Variants in MAST3 observed in about 807,000 individuals in gnomAD.
MAST3 encodes the protein microtubule-associated serine/threonine-protein kinase 3.
Under a neutral mutation model 127.0 loss-of-function variants are expected in MAST3, and 43 were observed. The ratio of observed to expected loss-of-function variants is 0.34; its 90% CI spans 0.27 to 0.44. The LOEUF (loss-of-function observed/expected upper bound fraction) is 0.44. MAST3 is among the 20% of genes least tolerant of loss of function. The pLI, the probability that MAST3 is intolerant of heterozygous loss-of-function variation, is 1.00. For missense variants in MAST3, 1,390 were observed against 1,919.1 expected (o/e 0.72, Z 5.15); for synonymous variants, 785 against 809.2 (o/e 0.97, Z 0.51).
intron 1 of MAST3, among the ~76,000 whole-genome samples, chr19:18,099,109 G>T (rs1225528573): frequency 3.3e-5 from 5 of 151,482 alleles, no homozygotes; most frequent in Non-Finnish European, 7.4e-5. Context: ...CTCCGGGCGG[G>T]TTGAGGGGGT....
At chr19:18,119,906 C>T (rs2039760416) in intron 3 of MAST3, among the ~76,000 whole-genome samples, 1 of 152,238 alleles carries the variant, frequency 6.6e-6, no homozygotes, top group Non-Finnish European at 1.5e-5. Flanking sequence ...CTTCATCTCT[C>T]CCTCCCCGCG....
Position 18,110,692 on chromosome 19 carries a change from A to AGCAGCCCCT in MAST3, c.123_131dup (p.Cys44_Pro46dup). 1.0e-6 allele frequency: 1 copy of AGCAGCCCCT among 985,902 alleles called. No individual in the cohort carries two copies. The highest frequency in any genetic ancestry group is 1.2e-6 in the Non-Finnish European group (1 of 830,004). 61.1% of individuals were successfully genotyped at this position (985,902 alleles called of 1,614,324 possible). A position where few individuals can be genotyped will look rare whatever the true frequency, so the allele number is the denominator to read the frequency against. On this transcript the variant is annotated inframe_insertion, in exon 3 of 28. Transcript: ENST00000687212. This position sits in a 1 kb window ranked among gnomAD's most constrained non-coding sequence, Gnocchi z 4.3. ...CCAGAGCCCGTCCCTGCTGGGTCCC[A>AGCAGCCCCT]GCAGCCCCTGCAGCCCCTGTAGCCC...
intron 1 of MAST3, among the ~76,000 whole-genome samples, chr19:18,105,965 A>G (rs2038040239): frequency 1.3e-5 from 2 of 152,348 alleles, no homozygotes; most frequent in Admixed American, 1.3e-4. Context: ...GGAGAGGGAC[A>G]TCTGAGATGG....
intron 15 of MAST3, among the ~76,000 whole-genome samples, chr19:18,134,121 C>T (rs1466593356): frequency 3.3e-5 from 5 of 151,992 alleles, no homozygotes; most frequent in Non-Finnish European, 7.4e-5. Context: ...TCTGTGCCGG[C>T]ACTTTGGGAG....
chr19:18,128,480 A>T (rs1408494859), intron 12 of MAST3, 22 bp downstream of exon 12: 27 of 1,550,024 alleles, frequency 1.7e-5, no homozygotes, highest in South Asian at 1.7e-4. Context: ...AGGCTGGGGG[A>T]CCCCCGCTCA....
chr19:18,109,165 A>G lies in MAST3; in HGVS notation c.72-1487A>G, dbSNP rs532114104. ...CTGGGGTGCCAGTATGCTTGGCGTT[A>G]GAAGAACAGCATGAAGACAAGGGTA... On this transcript the variant is annotated intron_variant, in intron 2 of 27. Transcript: ENST00000687212. 2.0e-4 allele frequency among the ~76,000 whole-genome samples: 30 copies of G among 152,264 alleles called. No individual in the cohort carries two copies. The South Asian group carries it at 6.2e-3, about 32-fold the overall frequency.
At chr19:18,136,101 CAGGACCTGTGTCAA>C (rs1457595052) in intron 18 of MAST3, among the ~76,000 whole-genome samples, 2 of 152,206 alleles carry the variant, frequency 1.3e-5, no homozygotes, top group Non-Finnish European at 2.9e-5. Flanking sequence ...GTAAAGTCAC[CAGGACCTGTGTCAA>C]AGGCCCAGCC....
chr19:18,129,114 G>T (rs924783655), intron 13 of MAST3, 163 bp downstream of exon 13: 2 of 650,240 alleles, frequency 3.1e-6, no homozygotes, highest in Non-Finnish European at 5.4e-6. Context: ...GTGGAGACAC[G>T]CCATAGCGAG....
At chr19:18,138,208 G>GAAAAAAAAAAAAAAAAAAAAAAA (rs72398038) in intron 19 of MAST3, among the ~76,000 whole-genome samples, 1 of 142,878 alleles carries the variant, frequency 7.0e-6, no homozygotes. Context: ...AAAACTGCCT[G>GAAAAAAAAAAAAAAAAAAAAAAA]AAAAAAAAAA....
chr19:18,124,699 G>A lies in MAST3; in HGVS notation c.1003G>A (p.Glu335Lys). 2 of 1,612,526 alleles carry A rather than the reference G, an allele frequency of 1.2e-6. No homozygotes were observed. Among genetic ancestry groups the A allele is most frequent in the Non-Finnish European group, 1.7e-6 (2 of 1,179,390 alleles). ...LLEAAEGHAREGQGIKTDLPQ... is the reference protein window; with the variant it reads ...LLEAAEGHARKGQGIKTDLPQ... The stretch of plus-strand genomic sequence containing the variant: ...GGAGGCGGCTGAGGGCCATGCGCGG[G>A]AGGGCCAAGGCATTAAGACTGACCT... Residue 335 changes from glutamate to lysine, a missense_variant, in exon 11 of 28, where the codon GAG becomes AAG. Glu to Lys is a moderately conservative substitution (Grantham distance 56). This residue lies in a region of MAST3 where 277 missense variants were observed against 384.8 expected (regional missense o/e 0.72). Transcript: ENST00000687212.
intron 19 of MAST3, 23 bp downstream of exon 19, chr19:18,137,384 G>T (rs372186054): frequency 8.8e-5 from 142 of 1,606,190 alleles, no homozygotes; most frequent in East Asian, 3.3e-4. Flanking sequence ...CCCCCTGGAG[G>T]GGGGGCGGGG....
At chr19:18,103,033 AG>A (rs1568543999) in intron 1 of MAST3, among the ~76,000 whole-genome samples, 1 of 152,108 alleles carries the variant, frequency 6.6e-6, no homozygotes, top group East Asian at 1.9e-4. Flanking sequence ...GGGCAGTTTC[AG>A]GGGGTCGGGG....
chr19:18,118,910 G>A (rs996492033), intron 3 of MAST3, among the ~76,000 whole-genome samples: 3 of 152,196 alleles, frequency 2.0e-5, no homozygotes, highest in East Asian at 1.9e-4. Flanking sequence ...ACCAGCTACC[G>A]AAAGACCTTG....
chr19:18,149,789 TAA>T lies in MAST3; in HGVS notation c.*65_*66del, dbSNP rs2147912095. 2 of 1,594,356 alleles carry T rather than the reference TAA, an allele frequency of 1.3e-6. No individual in the cohort carries two copies. The highest frequency in any genetic ancestry group is 1.7e-6 in the Non-Finnish European group (2 of 1,176,188). On this transcript the variant is annotated 3_prime_UTR_variant, in exon 28 of 28. Coordinates refer to ENST00000687212, the MANE Select transcript of MAST3 (RefSeq NM_001393504.1). The surrounding 1 kb of genome is among the most constrained non-coding windows in gnomAD (Gnocchi z 5.9). ...GTTTTCTTGTGCAATGTTTTTTCCG[TAA>T]AGTCATGCCTGGATGGGGACTGAGC...
At chr19:18,147,078 T>TC in intron 26 of MAST3, 34 bp downstream of exon 26, 1 of 1,402,712 alleles carries the variant, frequency 7.1e-7, no homozygotes, top group Non-Finnish European at 9.4e-7. Flanking sequence ...GGACTGGGGT[T>TC]CTTTTTTTCT....
chr19:18,099,275 G>T (rs545459895), intron 1 of MAST3, among the ~76,000 whole-genome samples: 81 of 151,250 alleles, frequency 5.4e-4, no homozygotes, highest in Admixed American at 1.4e-3. Context: ...CCGCGCGGGG[G>T]TGGGGCAGAA....
Position 18,122,475 on chromosome 19 carries a change from G to GA in MAST3, c.321-198_321-197insA, listed in dbSNP as rs559403141. On this transcript the variant is annotated intron_variant, in intron 5 of 27. Transcript: ENST00000687212. ...GGACACAGTGGCAGCTGGACTCACG[G>GA]GGGGGCTTCCTGGAAGAGGTACCTA... 2.0e-3 allele frequency among the ~76,000 whole-genome samples: 271 copies of GA among 132,422 alleles called. 1 individual carries two copies. The highest frequency in any genetic ancestry group is 0.011 in the African/African-American group (260 of 23,312). 86.9% of individuals were successfully genotyped at this position (132,422 alleles called of 152,430 possible).
chr19:18,127,615 T>C (rs888564616), intron 11 of MAST3, among the ~76,000 whole-genome samples: 5 of 151,960 alleles, frequency 3.3e-5, no homozygotes, highest in Non-Finnish European at 7.4e-5. Flanking sequence ...ACTCAGGTGG[T>C]GGAGGTTGCA....
At position 18,123,382 on chromosome 19, in the gene MAST3, G is replaced by A. The variant is rs777754422; in HGVS notation, c.557+8G>A. The stretch of plus-strand genomic sequence containing the variant: ...CCGCTCTCGCAGTCTCAGGTGGGCC[G>A]CGACCTCTGGCCCCAGCCCCGGCCC... On this transcript the variant is annotated splice_region_variant and intron_variant, in intron 7 of 27. Transcript: ENST00000687212. 6 of 1,606,208 alleles carry A rather than the reference G, an allele frequency of 3.7e-6. No homozygotes were observed. Among genetic ancestry groups the A allele is most frequent in the African/African-American group, 1.3e-5 (1 of 74,846 alleles).
Sources: gnomAD v4.1 joint callset for allele counts (sites outside exome capture counted in the v4.1 genomes callset) on GRCh38, gnomAD v4.1.1 for gene constraint, gnomAD v4.1.1 regional missense constraint, Gnocchi (gnomAD v3.1) non-coding constraint, MANE v1.5 for transcripts, NCBI Gene and HGNC (gene_info 2026-07-23, HGNC 2026-07-21) for gene names.